The following RORA variants were observed in gnomAD, a reference collection of about 807,000 sequenced individuals.
RORA encodes nuclear receptor ROR-alpha.
In RORA, 7 loss-of-function variants were observed where a neutral mutation model predicts 69.5. The ratio of observed to expected loss-of-function variants is 0.10; its 90% CI spans 0.06 to 0.19. The LOEUF is 0.19. Among genes scored for constraint, RORA ranks in the 10% least tolerant of loss-of-function variants. RORA has a pLI of 1.00. For synonymous variants in RORA, 261 were observed against 240.8 expected (o/e 1.08, Z -0.78); for missense variants, 457 against 663.0 (o/e 0.69, Z 3.41).
At chr15:61,035,913 A>T (rs1057171962) in intron 1 of RORA, among the ~76,000 whole-genome samples, 1 of 152,174 alleles carries the variant, frequency 6.6e-6, no homozygotes, top group Non-Finnish European at 1.5e-5. Context: ...GAAAATACAC[A>T]AATAAACCAA....
At chr15:61,183,209 A>G (rs1453947090) in intron 1 of RORA, 1 of 152,212 alleles carries the variant, frequency 6.6e-6, no homozygotes, top group African/African-American at 2.4e-5. Context: ...TATCTTTACA[A>G]CTGTTCTGCA....
intron 1 of RORA, among the ~76,000 whole-genome samples, chr15:60,941,587 T>C (rs1204870281): frequency 2.6e-5 from 4 of 152,246 alleles, no homozygotes; most frequent in Non-Finnish European, 5.9e-5. Context: ...GTTTCTATGA[T>C]GCTTTCACCC....
chr15:60,493,638 AGTTT>A lies in RORA; in HGVS notation c.*3813_*3816del, dbSNP rs538040342. On this transcript the variant is annotated 3_prime_UTR_variant, in exon 11 of 11. Transcript: ENST00000335670. ...AAATTCCATCAAGAAAATAATACAA[AGTTT>A]GTTTGTTTGTATTTTTTTTTTTAGA... 167 of 152,170 alleles carry A rather than the reference AGTTT, an allele frequency of 1.1e-3. No individual in the cohort carries two copies. The highest frequency in any genetic ancestry group is 6.8e-3 in the Middle Eastern group (2 of 294). 9.4% of individuals were successfully genotyped at this position (152,170 alleles called of 1,614,324 possible).
At chr15:60,983,195 T>C (rs1894098511) in intron 1 of RORA, among the ~76,000 whole-genome samples, 1 of 152,054 alleles carries the variant, frequency 6.6e-6, no homozygotes. Flanking sequence ...ACATGTTTCA[T>C]TATACTCTGT....
At chr15:60,867,262 T>C (rs1485629849) in intron 1 of RORA, among the ~76,000 whole-genome samples, 1 of 152,188 alleles carries the variant, frequency 6.6e-6, no homozygotes, top group African/African-American at 2.4e-5. Context: ...TGAGGAGGGG[T>C]ACTGGCAACT....
intron 1 of RORA, among the ~76,000 whole-genome samples, chr15:60,802,599 G>T (rs1436793287): frequency 6.6e-6 from 1 of 152,092 alleles, no homozygotes; most frequent in Admixed American, 6.6e-5. Flanking sequence ...CGTGTATGTG[G>T]CATGTGTGTG....
intron 2 of RORA, among the ~76,000 whole-genome samples, chr15:60,562,348 G>A (rs1031092327): frequency 2.0e-5 from 3 of 151,890 alleles, no homozygotes; most frequent in African/African-American, 7.3e-5. Context: ...CAATCCTCTT[G>A]CCTCAGCTTC....
intron 1 of RORA, among the ~76,000 whole-genome samples, chr15:61,182,351 T>C (rs560352422): frequency 3.9e-5 from 6 of 152,340 alleles, no homozygotes; most frequent in South Asian, 4.1e-4. Flanking sequence ...GTTGCCATGA[T>C]AGCAAAACAA....
intron 1 of RORA, among the ~76,000 whole-genome samples, chr15:60,846,731 G>A (rs1333394137): frequency 1.3e-5 from 2 of 152,186 alleles, no homozygotes; most frequent in Non-Finnish European, 2.9e-5. Flanking sequence ...AAAGAAACTC[G>A]GGGCCAGCCC....
At chr15:60,867,625 A>G (rs568793569) in intron 1 of RORA, among the ~76,000 whole-genome samples, 2 of 152,278 alleles carry the variant, frequency 1.3e-5, no homozygotes, top group East Asian at 3.9e-4. Context: ...GGGTTCTAAC[A>G]AAAGATGCAT....
chr15:61,024,270 C>CTT (rs34008494), intron 1 of RORA, among the ~76,000 whole-genome samples: 42,250 of 79,416 alleles, frequency 0.53, 12,594 homozygotes, highest in Non-Finnish European at 0.64. Flanking sequence ...TCTTGGATCT[C>CTT]TTTTTTTTTT....
chr15:60,898,752 G>A (rs1448615313), intron 1 of RORA, among the ~76,000 whole-genome samples: 2 of 152,074 alleles, frequency 1.3e-5, no homozygotes, highest in African/African-American at 4.8e-5. Flanking sequence ...AGAAAACAAG[G>A]CAATGCATTC....
intron 2 of RORA, among the ~76,000 whole-genome samples, chr15:60,600,090 T>C (rs1194158829): frequency 6.6e-6 from 1 of 152,258 alleles, no homozygotes; most frequent in African/African-American, 2.4e-5. Context: ...GACAGTTCTA[T>C]TAATATAGAT....
chr15:60,704,604 T>A (rs538428836), intron 1 of RORA, among the ~76,000 whole-genome samples: 3 of 152,180 alleles, frequency 2.0e-5, no homozygotes, highest in Non-Finnish European at 4.4e-5. Flanking sequence ...AAATAAAATA[T>A]AAAAGGAAAT....
intron 2 of RORA, among the ~76,000 whole-genome samples, chr15:60,629,322 G>A (rs939888834): frequency 6.6e-6 from 1 of 151,032 alleles, no homozygotes; most frequent in African/African-American, 2.4e-5. Flanking sequence ...AAGTAGCTGG[G>A]ATTATAGGCA....
intron 2 of RORA, among the ~76,000 whole-genome samples, chr15:60,633,275 C>T (rs2069774769): frequency 6.6e-6 from 1 of 152,180 alleles, no homozygotes; most frequent in East Asian, 1.9e-4. Context: ...AGAAGGTGAA[C>T]GTGTGCCAGT....
intron 1 of RORA, among the ~76,000 whole-genome samples, chr15:60,805,184 C>T (rs911760936): frequency 2.0e-5 from 3 of 152,166 alleles, no homozygotes; most frequent in Admixed American, 6.5e-5. Flanking sequence ...CTCACCATGA[C>T]GCCACTCTCC....
intron 1 of RORA, among the ~76,000 whole-genome samples, chr15:60,943,188 G>A (rs1198357310): frequency 6.6e-6 from 1 of 152,202 alleles, no homozygotes; most frequent in East Asian, 1.9e-4. Flanking sequence ...AAAGAAAGGT[G>A]ACTTTGCTAG....
chr15:60,884,968 T>C (rs1399314723), intron 1 of RORA, among the ~76,000 whole-genome samples: 1 of 152,200 alleles, frequency 6.6e-6, no homozygotes, highest in Non-Finnish European at 1.5e-5. Context: ...CCAAAACAAA[T>C]GTTGTTTTCC....
Sources: gnomAD v4.1 joint callset for allele counts (sites outside exome capture counted in the v4.1 genomes callset) on GRCh38, gnomAD v4.1.1 for gene constraint, MANE v1.5 for transcripts, NCBI Gene and HGNC (gene_info 2026-07-23, HGNC 2026-07-21) for gene names.